Variants in ROBO2 observed in about 807,000 individuals in gnomAD.
ROBO2 encodes roundabout guidance receptor 2.
A neutral mutation model predicts 160.8 loss-of-function variants in ROBO2; 53 were observed. The ratio of observed to expected loss-of-function variants is 0.33; its 90% CI spans 0.26 to 0.41. ROBO2 has a LOEUF of 0.41. Ranked by LOEUF, ROBO2 falls within the 10% of genes least tolerant of loss-of-function variation. The pLI is 1.00. For synonymous variants in ROBO2, 664 were observed against 611.7 expected (o/e 1.09, Z -1.26); for missense variants, 1,577 against 1,722.4 (o/e 0.92, Z 1.49).
intron 2 of ROBO2, among the ~76,000 whole-genome samples, chr3:77,379,757 T>TTGCTC (rs2073189616): frequency 6.6e-6 from 1 of 152,186 alleles, no homozygotes. Context: ...CCCGCAGAGC[T>TTGCTC]TGCTCTTAGC....
In ROBO2 at chr3:76,433,970, A is replaced by C. The variant is rs141618450; in HGVS notation, c.109+496368A>C. The C allele has an allele frequency of 3.0e-4, 231 of 779,062 alleles. No individual in the cohort carries two copies. The African/African-American group carries it at 3.7e-3, about 12-fold the overall frequency. The allele number at this position is 779,062 out of a possible 1,614,324, so 48.3% of individuals were successfully genotyped here. On this transcript the variant is annotated intron_variant, in intron 2 of 26. Transcript: ENST00000487694. The stretch of plus-strand genomic sequence containing the variant: ...TTCTACTCCAATACAATCTAGAAGA[A>C]AATTAAGGGCAGTCCAGAGGTGAGT...
At chr3:77,484,188 A>C (rs777614153) in intron 4 of ROBO2, among the ~76,000 whole-genome samples, 54 of 152,044 alleles carry the variant, frequency 3.6e-4, no homozygotes, top group Non-Finnish European at 1.8e-4. Flanking sequence ...CATAGTCTAC[A>C]GTAGCACTGA....
intron 19 of ROBO2, 124 bp from the exon 21 acceptor site, chr3:77,602,086 T>A (rs773611686): frequency 7.2e-6 from 7 of 972,416 alleles, no homozygotes; most frequent in Non-Finnish European, 1.1e-5. Flanking sequence ...CAGTGGCTCA[T>A]GAAGCCCATC....
At chr3:77,082,958 C>G (rs570322531) in intron 1 of ROBO2, among the ~76,000 whole-genome samples, 1 of 152,166 alleles carries the variant, frequency 6.6e-6, no homozygotes, top group South Asian at 2.1e-4. Flanking sequence ...ATCAGTGCCT[C>G]CATCATCATT....
chr3:76,590,995 CTTTAT>C (rs1018099997), intron 2 of ROBO2, among the ~76,000 whole-genome samples: 2 of 151,974 alleles, frequency 1.3e-5, no homozygotes, highest in Non-Finnish European at 2.9e-5. Flanking sequence ...TATAGTCAAT[CTTTAT>C]TTTAAGTAAC....
At chr3:77,601,610 A>G (rs1465595880) in intron 19 of ROBO2, among the ~76,000 whole-genome samples, 4 of 152,156 alleles carry the variant, frequency 2.6e-5, no homozygotes, top group African/African-American at 9.7e-5. Context: ...CTATAGTTAA[A>G]TTCTGCTATA....
intron 2 of ROBO2, among the ~76,000 whole-genome samples, chr3:77,399,556 C>T (rs2075604136): frequency 6.6e-6 from 1 of 152,036 alleles, no homozygotes; most frequent in Non-Finnish European, 1.5e-5. Context: ...TTCTAAATTC[C>T]TATGTTTTTT....
At chr3:76,631,355 G>GTA (rs2090017480) in intron 2 of ROBO2, among the ~76,000 whole-genome samples, 1 of 152,078 alleles carries the variant, frequency 6.6e-6, no homozygotes, top group Non-Finnish European at 1.5e-5. Flanking sequence ...TTAAAATGCG[G>GTA]GAGCCTCTGG....
intron 6 of ROBO2, among the ~76,000 whole-genome samples, chr3:77,529,709 C>T (rs186987867): frequency 6.6e-6 from 1 of 151,816 alleles, no homozygotes; most frequent in East Asian, 1.9e-4. Flanking sequence ...TCTTAAATTC[C>T]CATTGGACTG....
At chr3:76,435,173 A>G in intron 2 of ROBO2, 1 of 1,054,410 alleles carries the variant, frequency 9.5e-7, no homozygotes, top group South Asian at 1.2e-5. Flanking sequence ...TTGTGGAGAT[A>G]ATCAACAGTA....
intron 2 of ROBO2, among the ~76,000 whole-genome samples, chr3:76,555,423 A>G (rs1482792136): frequency 2.7e-5 from 2 of 75,298 alleles, no homozygotes; most frequent in African/African-American, 4.0e-5. Context: ...AGAAGAAAGA[A>G]GGAGAAGGGG....
At chr3:75,925,111 G>A (rs1304801212) in intron 1 of ROBO2, among the ~76,000 whole-genome samples, 5 of 152,036 alleles carry the variant, frequency 3.3e-5, no homozygotes, top group Non-Finnish European at 7.4e-5. Flanking sequence ...GGGCGGGGCC[G>A]GCTGGGCACG....
intron 2 of ROBO2, among the ~76,000 whole-genome samples, chr3:77,141,843 G>A (rs1006830641): frequency 2.6e-5 from 4 of 152,144 alleles, no homozygotes; most frequent in Non-Finnish European, 5.9e-5. Context: ...ACATCCTTGG[G>A]TAAAAGTCTA....
chr3:76,455,904 T>C (rs2077724865), intron 2 of ROBO2, among the ~76,000 whole-genome samples: 1 of 152,184 alleles, frequency 6.6e-6, no homozygotes, highest in Non-Finnish European at 1.5e-5. Context: ...GATTGATTGC[T>C]GACAGAGAAA....
chr3:76,381,452 C>T (rs1397357415), intron 2 of ROBO2, among the ~76,000 whole-genome samples: 3 of 152,002 alleles, frequency 2.0e-5, no homozygotes, highest in Non-Finnish European at 4.4e-5. Flanking sequence ...CCAGTTTAAG[C>T]GATTCTCCTG....
rs1238499041 is a variant in ROBO2 at position 75,962,797 on chromosome 3, AT to A, written c.109+25198del. ...GCTGTGTGAAAATACGTGTGCTTTT[AT>A]TTAAGCTGCCAGACAGATGTGTTAT... On this transcript the variant is annotated intron_variant, in intron 2 of 26. Transcript: ENST00000487694. Among the ~76,000 whole-genome samples the A allele has an allele frequency of 1.3e-5, 2 of 151,790 alleles. 1 individual carries two copies. Among genetic ancestry groups the A allele is most frequent in the East Asian group, 3.9e-4 (2 of 5,126 alleles).
At chr3:76,612,643 C>A (rs2088224718) in intron 2 of ROBO2, among the ~76,000 whole-genome samples, 2 of 152,058 alleles carry the variant, frequency 1.3e-5, no homozygotes, top group Non-Finnish European at 2.9e-5. Context: ...AGCAAACCAC[C>A]ATGGCACATG....
chr3:76,426,748 G>T (rs1285231637), intron 2 of ROBO2, among the ~76,000 whole-genome samples: 1 of 151,242 alleles, frequency 6.6e-6, no homozygotes, highest in Non-Finnish European at 1.5e-5. Flanking sequence ...AGATTTCAAA[G>T]AAAGGGAAAC....
At chr3:77,221,055 G>A (rs1560273763) in intron 2 of ROBO2, among the ~76,000 whole-genome samples, 2 of 152,084 alleles carry the variant, frequency 1.3e-5, no homozygotes, top group Non-Finnish European at 2.9e-5. Context: ...TGCATCTTGG[G>A]TTGCGTGAGC....
Sources: allele counts gnomAD v4.1 joint callset (sites outside exome capture counted in the v4.1 genomes callset), GRCh38; gene constraint gnomAD v4.1.1; transcripts MANE v1.5; gene names NCBI Gene and HGNC (gene_info 2026-07-23, HGNC 2026-07-21).